Variants in POMZP3 observed in about 807,000 individuals in gnomAD.
POMZP3 encodes POM121 and ZP3 fusion protein.
POMZP3 carries 10 observed loss-of-function variants against 19.8 expected under a neutral mutation model. That is an observed-to-expected ratio of 0.51 (90% CI 0.31 to 0.86). The LOEUF (loss-of-function observed/expected upper bound fraction) is 0.86. Among genes scored for constraint, POMZP3 ranks in the 40% least tolerant of loss-of-function variants. The probability of loss-of-function intolerance (pLI) is 0.04; values close to 1 mark genes in which losing one functional copy is unlikely to be tolerated. For missense variants in POMZP3, 152 were observed against 228.1 expected (o/e 0.67, Z 2.15); for synonymous variants, 57 against 85.8 (o/e 0.66, Z 1.85).
At chr7:76,624,500 C>T (rs1442304381) in intron 3 of POMZP3, among the ~76,000 whole-genome samples, 1 of 151,612 alleles carries the variant, frequency 6.6e-6, no homozygotes, top group East Asian at 1.9e-4. Flanking sequence ...GGCTAGCATG[C>T]ACTGGCATGG....
In POMZP3 at chr7:76,611,881, C is replaced by T. The variant is rs1278855099; in HGVS notation, c.346-68G>A. The T allele has an allele frequency of 2.0e-6, 3 of 1,511,596 alleles. No individual in the cohort carries two copies. The African/African-American group carries it at 4.3e-5, about 22-fold the overall frequency. 93.6% of individuals were successfully genotyped at this position (1,511,596 alleles called of 1,614,324 possible). On this transcript the variant is annotated intron_variant, in intron 4 of 6. Transcript: ENST00000310842. ...TGCCTGGGAGTTTAACACACCAGTT[C>T]TCTTATAACCCTCAACCCTTTAAAG...
chr7:76,619,552 G>A (rs1216521918), intron 3 of POMZP3, among the ~76,000 whole-genome samples: 1 of 150,728 alleles, frequency 6.6e-6, no homozygotes, highest in Non-Finnish European at 1.5e-5. Context: ...TCCTGGCAGG[G>A]GTTCTTTGTC....
rs1815305922 is a variant in POMZP3, at chr7:76,616,748, C to G, written c.345+1435G>C. ...CAGGCACCTGTAATTCCCAGCTACT[C>G]AGGAGGCTGAGGCAGGAGAAATGCT... On this transcript the variant is annotated intron_variant, in intron 4 of 6. Coordinates refer to ENST00000310842, the MANE Select transcript of POMZP3 (RefSeq NM_012230.5). 2.1e-5 allele frequency among the ~76,000 whole-genome samples: 2 copies of G among 96,418 alleles called. 1 individual carries two copies. Among genetic ancestry groups the G allele is most frequent in the Non-Finnish European group, 4.6e-5 (2 of 43,938 alleles). The allele number at this position is 96,418 out of a possible 152,430, so 63.3% of individuals were successfully genotyped here.
rs1248130865 is a variant in POMZP3, at chr7:76,616,994, C to T, written c.345+1189G>A. Among the ~76,000 whole-genome samples the T allele has an allele frequency of 2.1e-5, 2 of 94,058 alleles. 1 individual carries two copies. Among genetic ancestry groups the T allele is most frequent in the Non-Finnish European group, 4.6e-5 (2 of 43,400 alleles). The allele number at this position is 94,058 out of a possible 152,430, so 61.7% of individuals were successfully genotyped here. The stretch of plus-strand genomic sequence containing the variant: ...ACAACATGGTAAAACCTTGTCTCTA[C>T]TAGAAATACAAAAAAATTAGCCAGG... On this transcript the variant is annotated intron_variant, in intron 4 of 6. Coordinates refer to ENST00000310842, the MANE Select transcript of POMZP3 (RefSeq NM_012230.5).
intron 3 of POMZP3, among the ~76,000 whole-genome samples, chr7:76,620,861 A>ATTTTTTTTTTTTTTTTTTTTTTTTTTTT (rs56084078): frequency 1.3e-5 from 1 of 76,198 alleles, no homozygotes; most frequent in Admixed American, 1.8e-4. Flanking sequence ...CTGTAAAGCC[A>ATTTTTTTTTTTTTTTTTTTTTTTTTTTT]TTTTTTTTTT....
chr7:76,626,363 T>C, intron 1 of POMZP3, 148 bp from the exon 2 acceptor site: 1 of 746,836 alleles, frequency 1.3e-6, no homozygotes, highest in East Asian at 2.7e-5. Flanking sequence ...TATGGCAACT[T>C]TCCCCTATTC....
intron 2 of POMZP3, 98 bp from the exon 3 acceptor site, chr7:76,625,781 T>C: frequency 1.4e-6 from 2 of 1,448,766 alleles, no homozygotes. Flanking sequence ...AAAGTATAAT[T>C]TATACACTCA....
rs770864922 is a variant in POMZP3 at position 76,622,665 on chromosome 7, A to G, written c.227+2857T>C. Among the ~76,000 whole-genome samples the G allele has an allele frequency of 4.8e-4, 73 of 151,290 alleles. 2 individuals are homozygous for G. Among genetic ancestry groups the G allele is most frequent in the Non-Finnish European group, 8.7e-4 (59 of 67,628 alleles). On this transcript the variant is annotated intron_variant, in intron 3 of 6. Coordinates refer to ENST00000310842, the MANE Select transcript of POMZP3 (RefSeq NM_012230.5). ...AGGCGTGAGCCACTGCGTCTGGCCC[A>G]TTCTCAAGTTTTGTTTTGTTTTGTT... is the stretch of plus-strand genomic sequence containing the variant.
chr7:76,618,340 G>T (rs1462061050), intron 3 of POMZP3, 40 bp from the exon 4 acceptor site: 1 of 1,613,438 alleles, frequency 6.2e-7, no homozygotes, highest in Non-Finnish European at 8.5e-7. Context: ...CAGACAGGTG[G>T]GCCGGGCACC....
intron 3 of POMZP3, among the ~76,000 whole-genome samples, chr7:76,619,260 C>G (rs1006346324): frequency 1.3e-5 from 2 of 152,220 alleles, no homozygotes; most frequent in South Asian, 4.1e-4. Context: ...TGGTGGCATG[C>G]GCCTGTAATC....
intron 1 of POMZP3, 68 bp downstream of exon 1, chr7:76,626,640 G>T: frequency 5.3e-6 from 7 of 1,332,078 alleles, no homozygotes; most frequent in Non-Finnish European, 5.8e-6. Context: ...AAGCAAATCG[G>T]ATTTAAAAGT....
At chr7:76,623,869 T>C (rs1243735139) in intron 3 of POMZP3, among the ~76,000 whole-genome samples, 1 of 151,328 alleles carries the variant, frequency 6.6e-6, no homozygotes, top group Non-Finnish European at 1.5e-5. Flanking sequence ...GCTAGGTTTT[T>C]TGAGATAAGT....
rs752303123 is a variant in POMZP3, at chr7:76,620,860, C to CTTTT, written c.228-2561_228-2560insAAAA. 2.4e-3 allele frequency among the ~76,000 whole-genome samples: 245 copies of CTTTT among 100,206 alleles called. 7 individuals carry two copies. Among genetic ancestry groups the CTTTT allele is most frequent in the Middle Eastern group, 0.013 (2 of 160 alleles). 65.7% of individuals were successfully genotyped at this position (100,206 alleles called of 152,430 possible). The stretch of plus-strand genomic sequence containing the variant: ...GGTTTACTCCTCAGGGCTGTAAAGC[C>CTTTT]ATTTTTTTTTTTTTTTTTTTTTTTT... On this transcript the variant is annotated intron_variant, in intron 3 of 6. Transcript: ENST00000310842.
Position 76,616,530 on chromosome 7 carries a change from C to T in POMZP3, c.345+1653G>A, listed in dbSNP as rs533284779. Reference sequence around the variant, plus strand: ...TTCCTAACCACCTATTCTAAGCTCACGGCCTCACCTCTCATCTCAGTGAGC... The same window carrying T: ...TTCCTAACCACCTATTCTAAGCTCATGGCCTCACCTCTCATCTCAGTGAGC... On this transcript the variant is annotated intron_variant, in intron 4 of 6. Transcript: ENST00000310842. Among the ~76,000 whole-genome samples the T allele has an allele frequency of 8.0e-5, 8 of 100,192 alleles. 2 individuals carry two copies. Among genetic ancestry groups the T allele is most frequent in the African/African-American group, 2.4e-4 (6 of 25,212 alleles). 65.7% of individuals were successfully genotyped at this position (100,192 alleles called of 152,430 possible).
At position 76,616,696 on chromosome 7, in the gene POMZP3, A is replaced by T. The variant is rs1052988346; in HGVS notation, c.345+1487T>A. The stretch of plus-strand genomic sequence containing the variant: ...ATGGTGAAACCCAATCTCTAGTAAG[A>T]ATACAAAAGTTAGCCGGGTGTGGTG... On this transcript the variant is annotated intron_variant, in intron 4 of 6. Transcript: ENST00000310842. Among the ~76,000 whole-genome samples the T allele has an allele frequency of 3.1e-5, 3 of 95,718 alleles. 1 individual carries two copies. The highest frequency in any genetic ancestry group is 6.9e-5 in the Non-Finnish European group (3 of 43,702). The allele number at this position is 95,718 out of a possible 152,430, so 62.8% of individuals were successfully genotyped here. A position where few individuals can be genotyped will look rare whatever the true frequency, so the allele number is the denominator to read the frequency against.
intron 3 of POMZP3, among the ~76,000 whole-genome samples, chr7:76,621,712 G>A (rs1185645305): frequency 4.6e-5 from 7 of 151,644 alleles, no homozygotes; most frequent in South Asian, 2.1e-4. Flanking sequence ...AGGCTGAGGC[G>A]GGCGGATCAC....
At position 76,627,188 on chromosome 7, in the gene POMZP3, G is replaced by T. The variant is rs1406375499; in HGVS notation, c.-632C>A. On this transcript the variant is annotated 5_prime_UTR_variant, in exon 1 of 7. Transcript: ENST00000310842. ...AGGCCGAGAAGCGCCGCCCCGGCCG[G>T]CCCTGACACTCGCTATCGGCCGCCG... is the stretch of plus-strand genomic sequence containing the variant. 6.3e-4 allele frequency: 909 copies of T among 1,435,880 alleles called. 116 individuals carry two copies. Among genetic ancestry groups the T allele is most frequent in the Middle Eastern group, 1.2e-3 (5 of 4,132 alleles). 88.9% of individuals were successfully genotyped at this position (1,435,880 alleles called of 1,614,324 possible). A position where few individuals can be genotyped will look rare whatever the true frequency, so the allele number is the denominator to read the frequency against.
intron 3 of POMZP3, 116 bp from the exon 4 acceptor site, chr7:76,618,416 G>A (rs1563802041): frequency 5.4e-6 from 5 of 932,406 alleles, no homozygotes; most frequent in South Asian, 4.5e-5. Context: ...GAGGTCAGGA[G>A]TTCGAGACTA....
At chr7:76,619,191 G>T (rs1279587750) in intron 3 of POMZP3, among the ~76,000 whole-genome samples, 2 of 152,062 alleles carry the variant, frequency 1.3e-5, no homozygotes, top group Non-Finnish European at 2.9e-5. Context: ...ATAAGGTCGG[G>T]AGTTTGGCCA....
Sources: allele counts gnomAD v4.1 joint callset (sites outside exome capture counted in the v4.1 genomes callset), GRCh38; gene constraint gnomAD v4.1.1; transcripts MANE v1.5; gene names NCBI Gene and HGNC (gene_info 2026-07-23, HGNC 2026-07-21).